Variants in CEP112 observed in about 807,000 individuals in gnomAD.
CEP112 encodes centrosomal protein 112, also known as centrosomal protein of 112 kDa.
In CEP112, 127 loss-of-function variants were observed where a neutral mutation model predicts 153.0. That is an observed-to-expected ratio of 0.83 (90% CI 0.72 to 0.96). The LOEUF (loss-of-function observed/expected upper bound fraction) is 0.96. Ranked by LOEUF, CEP112 falls within the 40% of genes least tolerant of loss-of-function variation. The pLI is 0.00. For synonymous variants in CEP112, 358 were observed against 374.4 expected (o/e 0.96, Z 0.51); for missense variants, 1,089 against 1,101.2 (o/e 0.99, Z 0.16).
intron 19 of CEP112, among the ~76,000 whole-genome samples, chr17:65,918,140 A>G (rs2060565218): frequency 6.7e-6 from 1 of 150,210 alleles, no homozygotes; most frequent in Non-Finnish European, 1.5e-5. Flanking sequence ...AGATTGCGCC[A>G]CTGCACTCCA....
intron 24 of CEP112, among the ~76,000 whole-genome samples, chr17:65,682,469 G>A (rs528687186): frequency 2.5e-4 from 38 of 152,064 alleles, no homozygotes; most frequent in Non-Finnish European, 5.3e-4. Context: ...ACTAATCTTT[G>A]TAAAATATAA....
At chr17:66,170,637 C>T (rs1478805488) in intron 4 of CEP112, among the ~76,000 whole-genome samples, 1 of 152,038 alleles carries the variant, frequency 6.6e-6, no homozygotes, top group Non-Finnish European at 1.5e-5. Flanking sequence ...GTGGTACGCA[C>T]CTGTAATCCC....
intron 8 of CEP112, among the ~76,000 whole-genome samples, chr17:66,078,247 CT>C (rs1231114982): frequency 1.1e-4 from 8 of 71,060 alleles, no homozygotes; most frequent in Non-Finnish European, 2.5e-4. Context: ...TTTTTTTTTT[CT>C]TTTCTTTTCT....
intron 17 of CEP112, among the ~76,000 whole-genome samples, chr17:65,970,147 C>T (rs574112189): frequency 6.6e-6 from 1 of 152,270 alleles, no homozygotes; most frequent in African/African-American, 2.4e-5. Flanking sequence ...ATGTATTTTG[C>T]ATGTGTATAG....
At chr17:66,119,408 A>G (rs2146440799) in intron 6 of CEP112, among the ~76,000 whole-genome samples, 1 of 152,334 alleles carries the variant, frequency 6.6e-6, no homozygotes, top group African/African-American at 2.4e-5. Context: ...CAACACCTGG[A>G]AACTACTAAT....
intron 20 of CEP112, among the ~76,000 whole-genome samples, chr17:65,853,036 G>A (rs1027515372): frequency 1.6e-4 from 25 of 152,224 alleles, no homozygotes; most frequent in African/African-American, 6.0e-4. Context: ...TTAGAAGTAT[G>A]TTTCTTAATT....
intron 21 of CEP112, among the ~76,000 whole-genome samples, chr17:65,807,202 C>T (rs927519972): frequency 6.6e-6 from 1 of 152,132 alleles, no homozygotes; most frequent in Non-Finnish European, 1.5e-5. Context: ...AACTTTAACT[C>T]AAGGGAAATG....
intron 24 of CEP112, among the ~76,000 whole-genome samples, chr17:65,648,270 A>C (rs978951825): frequency 6.6e-6 from 1 of 152,100 alleles, no homozygotes; most frequent in African/African-American, 2.4e-5. Context: ...ACCTTCCTTC[A>C]TCTTCCTTCC....
intron 23 of CEP112, among the ~76,000 whole-genome samples, chr17:65,739,997 A>T (rs561693012): frequency 7.9e-5 from 12 of 152,320 alleles, no homozygotes; most frequent in Admixed American, 2.0e-4. Context: ...AGATAAAATT[A>T]AAAAATCATA....
At chr17:66,057,453 C>T (rs991500374) in intron 11 of CEP112, among the ~76,000 whole-genome samples, 4 of 151,970 alleles carry the variant, frequency 2.6e-5, no homozygotes, top group Non-Finnish European at 5.9e-5. Context: ...AAAGGAAATA[C>T]CCATTTTAGC....
intron 19 of CEP112, among the ~76,000 whole-genome samples, chr17:65,919,341 T>A (rs2060617745): frequency 6.6e-6 from 1 of 151,910 alleles, no homozygotes; most frequent in South Asian, 2.1e-4. Context: ...TTGCTCACAC[T>A]CCCCCGGGGA....
chr17:65,727,496 G>A (rs1019862733), intron 23 of CEP112, among the ~76,000 whole-genome samples: 7 of 152,320 alleles, frequency 4.6e-5, no homozygotes, highest in African/African-American at 1.2e-4. Context: ...CGCAAGTTGA[G>A]AAGGGCTCCA....
At chr17:65,643,641 G>C (rs765733272) in intron 24 of CEP112, among the ~76,000 whole-genome samples, 1 of 152,126 alleles carries the variant, frequency 6.6e-6, no homozygotes, top group Non-Finnish European at 1.5e-5. Context: ...TATGTGGAGC[G>C]TTAGCAACAG....
At chr17:65,671,780 A>T (rs1239318419) in intron 24 of CEP112, among the ~76,000 whole-genome samples, 2 of 152,204 alleles carry the variant, frequency 1.3e-5, no homozygotes, top group African/African-American at 4.8e-5. Context: ...TCCACAAGTA[A>T]TTAGAATGAA....
chr17:65,712,525 CAT>C (rs1301330762), intron 23 of CEP112, among the ~76,000 whole-genome samples: 2 of 152,114 alleles, frequency 1.3e-5, no homozygotes, highest in African/African-American at 2.4e-5. Context: ...GCAGAAATAA[CAT>C]AAAACAGGAC....
chr17:66,184,674 G>A (rs1304564305), intron 1 of CEP112, among the ~76,000 whole-genome samples: 1 of 152,102 alleles, frequency 6.6e-6, no homozygotes, highest in Non-Finnish European at 1.5e-5. Flanking sequence ...AGGCACTCTG[G>A]AAAACAGTTT....
At chr17:66,166,171 T>TA (rs2071947457) in intron 4 of CEP112, among the ~76,000 whole-genome samples, 1 of 152,180 alleles carries the variant, frequency 6.6e-6, no homozygotes, top group Non-Finnish European at 1.5e-5. Flanking sequence ...CTAGAAATCC[T>TA]AAGCAATCTG....
At chr17:66,023,292 G>GA (rs2065073689) in intron 16 of CEP112, among the ~76,000 whole-genome samples, 1 of 151,850 alleles carries the variant, frequency 6.6e-6, no homozygotes, top group African/African-American at 2.4e-5. Context: ...TCAACATGAA[G>GA]AAAAAAATCC....
chr17:65,708,816 A>G (rs1252047946), intron 23 of CEP112, among the ~76,000 whole-genome samples: 1 of 152,200 alleles, frequency 6.6e-6, no homozygotes, highest in Non-Finnish European at 1.5e-5. Flanking sequence ...CCTATCATCA[A>G]GGTACTTTTA....
Sources: allele counts gnomAD v4.1 joint callset (sites outside exome capture counted in the v4.1 genomes callset), GRCh38; gene constraint gnomAD v4.1.1; transcripts MANE v1.5; gene names NCBI Gene and HGNC (gene_info 2026-07-23, HGNC 2026-07-21).